CCDC149: variants seen among roughly 807,000 people sequenced by gnomAD.
CCDC149 encodes coiled-coil domain containing 149, also known as coiled-coil domain-containing protein 149.
A neutral mutation model predicts 59.9 loss-of-function variants in CCDC149; 45 were observed. That is an observed-to-expected ratio of 0.75 (90% CI 0.59 to 0.96). CCDC149 has a LOEUF of 0.96. Among genes scored for constraint, CCDC149 ranks in the 40% least tolerant of loss-of-function variants. The pLI is 0.00. For synonymous variants in CCDC149, 245 were observed against 260.6 expected, an observed-to-expected ratio of 0.94 and a Z score of 0.58; for missense variants, 584 against 664.7, an observed-to-expected ratio of 0.88 and a Z score of 1.33.
At chr4:24,834,610 C>T (rs1213316751) in intron 8 of CCDC149, among the ~76,000 whole-genome samples, 1 of 152,140 alleles carries the variant, frequency 6.6e-6, no homozygotes, top group East Asian at 1.9e-4. Context: ...GGGGAATATG[C>T]CCAAATGGGG....
intron 1 of CCDC149, among the ~76,000 whole-genome samples, chr4:24,925,033 CT>C (rs1722399224): frequency 6.6e-6 from 1 of 152,218 alleles, no homozygotes; most frequent in Non-Finnish European, 1.5e-5. Flanking sequence ...TCAACTACAT[CT>C]TGTCCAAGTG....
At chr4:24,890,232 C>T (rs1042918443) in intron 1 of CCDC149, among the ~76,000 whole-genome samples, 3 of 152,282 alleles carry the variant, frequency 2.0e-5, no homozygotes, top group South Asian at 2.1e-4. Context: ...ATTTTGAAGC[C>T]TACTCAGTCC....
intron 3 of CCDC149, among the ~76,000 whole-genome samples, chr4:24,871,084 G>GA (rs968408163): frequency 1.4e-5 from 2 of 148,060 alleles, no homozygotes; most frequent in African/African-American, 5.0e-5. Flanking sequence ...ATTTTGTTTA[G>GA]AAAAAAAGTC....
chr4:24,931,905 C>T (rs1020742533), intron 1 of CCDC149, among the ~76,000 whole-genome samples: 2 of 139,710 alleles, frequency 1.4e-5, no homozygotes, highest in Non-Finnish European at 3.0e-5. Context: ...CTATGTCAGA[C>T]ACTCTTCTGT....
At chr4:24,916,870 T>C (rs1722137457), upstream of CCDC149, among the ~76,000 whole-genome samples, 1 of 151,078 alleles carries the variant, frequency 6.6e-6, no homozygotes. Context: ...GAGGGCCATT[T>C]TGACAGGTCC....
At chr4:24,820,986 T>A (rs1275328605) in intron 11 of CCDC149, 69 bp downstream of exon 11, 1 of 868,700 alleles carries the variant, frequency 1.2e-6, no homozygotes, top group Non-Finnish European at 1.5e-6. Context: ...TCTACTTATT[T>A]ACATGCAGGG....
chr4:24,932,667 A>G (rs1351372782), intron 1 of CCDC149, among the ~76,000 whole-genome samples: 1 of 152,136 alleles, frequency 6.6e-6, no homozygotes, highest in Non-Finnish European at 1.5e-5. Flanking sequence ...ATCCCCTCCC[A>G]TTGGTCATGA....
intron 1 of CCDC149, among the ~76,000 whole-genome samples, chr4:24,964,495 A>T (rs1723740839): frequency 6.6e-6 from 1 of 152,220 alleles, no homozygotes; most frequent in African/African-American, 2.4e-5. Flanking sequence ...ACATGGGTCA[A>T]TTAAGTTAGA....
intron 4 of CCDC149, among the ~76,000 whole-genome samples, chr4:24,843,785 G>A (rs1717086351): frequency 6.6e-6 from 1 of 152,086 alleles, no homozygotes; most frequent in Non-Finnish European, 1.5e-5. Flanking sequence ...ATACCCCCAA[G>A]TGGCACTTCA....
At chr4:24,832,170 T>C (rs1370008076) in intron 8 of CCDC149, among the ~76,000 whole-genome samples, 1 of 152,204 alleles carries the variant, frequency 6.6e-6, no homozygotes, top group Non-Finnish European at 1.5e-5. Flanking sequence ...ATTTTGTATT[T>C]TAGTAGCTAT....
intron 1 of CCDC149, among the ~76,000 whole-genome samples, chr4:24,972,551 G>T (rs1284143537): frequency 6.6e-6 from 1 of 151,846 alleles, no homozygotes; most frequent in African/African-American, 2.4e-5. Flanking sequence ...AAAGCAAGCC[G>T]CTCCCCTCGG....
At chr4:24,893,853 G>A (rs1018981172) in intron 1 of CCDC149, among the ~76,000 whole-genome samples, 5 of 151,774 alleles carry the variant, frequency 3.3e-5, no homozygotes, top group Admixed American at 2.0e-4. Flanking sequence ...TGATCCGCCC[G>A]CCTCGGCCTC....
intron 1 of CCDC149, among the ~76,000 whole-genome samples, chr4:24,964,055 T>C (rs1350487731): frequency 1.3e-5 from 2 of 151,670 alleles, no homozygotes; most frequent in African/African-American, 4.8e-5. Context: ...AATCAGCTAG[T>C]TGTGGTGGCA....
chr4:24,960,905 A>G (rs1333817700), intron 1 of CCDC149, among the ~76,000 whole-genome samples: 1 of 152,220 alleles, frequency 6.6e-6, no homozygotes, highest in Non-Finnish European at 1.5e-5. Context: ...ATTTGACCAA[A>G]TTGAAATTTT....
chr4:24,804,818 T>A (rs142611165), downstream of CCDC149, among the ~76,000 whole-genome samples: 12 of 152,228 alleles, frequency 7.9e-5, no homozygotes, highest in African/African-American at 2.4e-4. Context: ...GTGATGGTGG[T>A]GCATGTTTGG....
intron 1 of CCDC149, among the ~76,000 whole-genome samples, chr4:24,975,947 A>G (rs549225605): frequency 6.7e-6 from 1 of 149,732 alleles, no homozygotes; most frequent in South Asian, 2.2e-4. Context: ...AGGAAGAGAA[A>G]AGAAGAGAAA....
At chr4:24,853,923 C>T (rs1441916071) in intron 3 of CCDC149, among the ~76,000 whole-genome samples, 1 of 152,136 alleles carries the variant, frequency 6.6e-6, no homozygotes, top group African/African-American at 2.4e-5. Context: ...TCACATAGTA[C>T]TAAATAGCCA....
chr4:24,827,461 T>A (rs1234034667), intron 9 of CCDC149: 1 of 152,166 alleles, frequency 6.6e-6, no homozygotes, highest in Non-Finnish European at 1.5e-5. Flanking sequence ...AAAAGGCCAA[T>A]ATGTCCTCAT....
intron 1 of CCDC149, among the ~76,000 whole-genome samples, chr4:24,945,323 G>T (rs994818625): frequency 2.0e-5 from 3 of 152,188 alleles, no homozygotes; most frequent in Non-Finnish European, 4.4e-5. Flanking sequence ...CAGTATGACT[G>T]ATGTCCTTAT....
Sources: allele counts gnomAD v4.1 joint callset (sites outside exome capture counted in the v4.1 genomes callset), GRCh38; gene constraint gnomAD v4.1.1; transcripts MANE v1.5; gene names NCBI Gene and HGNC (gene_info 2026-07-23, HGNC 2026-07-21).